CPA6: variants seen among roughly 807,000 people sequenced by gnomAD.
CPA6 encodes carboxypeptidase A6.
CPA6 carries 58 observed loss-of-function variants against 63.3 expected under a neutral mutation model. That is an observed-to-expected ratio of 0.92 (90% CI 0.74 to 1.14). The LOEUF is 1.14. Ranked by LOEUF, CPA6 falls within the 50% of genes most tolerant of loss-of-function variation. The pLI, the probability that CPA6 is intolerant of heterozygous loss-of-function variation, is 0.00. For missense variants in CPA6, 565 were observed against 526.6 expected (o/e 1.07, Z -0.71); for synonymous variants, 185 against 179.0 (o/e 1.03, Z -0.27).
intron 8 of CPA6, among the ~76,000 whole-genome samples, chr8:67,455,513 T>C (rs1174960301): frequency 6.6e-6 from 1 of 151,802 alleles, no homozygotes; most frequent in Non-Finnish European, 1.5e-5. Context: ...GTGCTTGGAA[T>C]TGACCACAGG....
At chr8:67,471,356 A>G (rs1198085948) in intron 8 of CPA6, among the ~76,000 whole-genome samples, 1 of 152,194 alleles carries the variant, frequency 6.6e-6, no homozygotes, top group East Asian at 1.9e-4. Context: ...TGTTTTCCCC[A>G]ATAATCAGCT....
Position 67,632,283 on chromosome 8 carries a change from A to T in CPA6, c.117-8032T>A, listed in dbSNP as rs1216628058. Among the ~76,000 whole-genome samples, 3 of 151,572 alleles carry T rather than the reference A, an allele frequency of 2.0e-5. 1 individual carries two copies. The highest frequency in any genetic ancestry group is 2.9e-5 in the Non-Finnish European group (2 of 67,894). ...ACTTGTGAGCTCAAGTGATCCTCCTACCTCAGCCTTCCAAGTAGCTGGGAC... is the reference window on the plus strand; with the variant it reads ...ACTTGTGAGCTCAAGTGATCCTCCTTCCTCAGCCTTCCAAGTAGCTGGGAC... On this transcript the variant is annotated intron_variant, in intron 1 of 10. Transcript: ENST00000297770.
intron 1 of CPA6, among the ~76,000 whole-genome samples, chr8:67,709,256 T>C (rs1817203134): frequency 6.6e-6 from 1 of 152,192 alleles, no homozygotes; most frequent in Non-Finnish European, 1.5e-5. Context: ...ACACAGATCC[T>C]GGAATCATGT....
chr8:67,693,602 A>T (rs1206766766), intron 1 of CPA6, among the ~76,000 whole-genome samples: 1 of 152,196 alleles, frequency 6.6e-6, no homozygotes, highest in Non-Finnish European at 1.5e-5. Flanking sequence ...CACGAATGGG[A>T]TTAGTGCCCT....
In CPA6 at chr8:67,630,411, C is replaced by T. The variant is rs965900598; in HGVS notation, c.117-6160G>A. The stretch of plus-strand genomic sequence containing the variant: ...CAGACATGGGGAGAACATGCCAACT[C>T]CTCACAGACAGTGGCCCTGGTGGGA... On this transcript the variant is annotated intron_variant, in intron 1 of 10. Transcript: ENST00000297770. 3.9e-5 allele frequency among the ~76,000 whole-genome samples: 6 copies of T among 152,194 alleles called. No individual in the cohort carries two copies. The South Asian group carries it at 1.0e-3, about 26-fold the overall frequency.
chr8:67,501,029 A>AATAGTTTTAGCTCTCCT (rs1443814595), intron 6 of CPA6, among the ~76,000 whole-genome samples: 1 of 152,072 alleles, frequency 6.6e-6, no homozygotes, highest in Non-Finnish European at 1.5e-5. Flanking sequence ...TCTTTTTCAA[A>AATAGTTTTAGCTCTCCT]ATAGTTTTAG....
At chr8:67,479,890 C>T (rs1250346177) in intron 8 of CPA6, among the ~76,000 whole-genome samples, 2 of 151,990 alleles carry the variant, frequency 1.3e-5, no homozygotes, top group African/African-American at 4.8e-5. Context: ...TGGCTGAAAA[C>T]CCCCAATTTG....
chr8:67,587,390 G>C (rs1007766882), intron 2 of CPA6, among the ~76,000 whole-genome samples: 12 of 152,218 alleles, frequency 7.9e-5, no homozygotes, highest in Admixed American at 7.2e-4. Flanking sequence ...TCTGGAGTTG[G>C]GGCTAGACTG....
At position 67,486,419 on chromosome 8, in the gene CPA6, A is replaced by G. The variant is rs551955283; in HGVS notation, c.637-1630T>C. Among the ~76,000 whole-genome samples the G allele has an allele frequency of 5.3e-5, 8 of 152,368 alleles. 1 individual carries two copies. In the South Asian group the frequency reaches 1.2e-3, roughly 24 times the overall value. On this transcript the variant is annotated intron_variant, in intron 6 of 10. Transcript: ENST00000297770. Reference sequence around the variant, plus strand: ...ATTCAGCAGTGATGCTGGGGCATTTAGTTTTCCACATGAAAAAATATACAT... The same window carrying G: ...ATTCAGCAGTGATGCTGGGGCATTTGGTTTTCCACATGAAAAAATATACAT...
At chr8:67,600,765 C>T (rs972402946) in intron 2 of CPA6, among the ~76,000 whole-genome samples, 6 of 152,126 alleles carry the variant, frequency 3.9e-5, no homozygotes, top group African/African-American at 7.2e-5. Context: ...AATTTAGATA[C>T]GTTTTTAATA....
At chr8:67,477,311 G>GAAAAAAAAAAAAAAAAAAAAA in intron 8 of CPA6, among the ~76,000 whole-genome samples, 1 of 121,602 alleles carries the variant, frequency 8.2e-6, no homozygotes, top group Non-Finnish European at 1.8e-5. Flanking sequence ...AAAAAAAAAG[G>GAAAAAAAAAAAAAAAAAAAAA]AAAAAAAAAA....
At chr8:67,662,562 A>G (rs1463446710) in intron 1 of CPA6, among the ~76,000 whole-genome samples, 1 of 139,918 alleles carries the variant, frequency 7.1e-6, no homozygotes, top group Non-Finnish European at 1.5e-5. Flanking sequence ...GTATATGTAT[A>G]TATAGAATAC....
At chr8:67,439,047 C>T (rs1030857012) in intron 8 of CPA6, among the ~76,000 whole-genome samples, 1 of 152,122 alleles carries the variant, frequency 6.6e-6, no homozygotes, top group African/African-American at 2.4e-5. Context: ...ATAATCCCAG[C>T]ACTTTGGGAG....
chr8:67,520,794 G>A (rs115952493), intron 2 of CPA6, among the ~76,000 whole-genome samples: 383 of 152,324 alleles, frequency 2.5e-3, no homozygotes, highest in African/African-American at 8.7e-3. Context: ...AGCAGTGTCC[G>A]TAATTTACTG....
chr8:67,646,990 A>G (rs1437102348), intron 1 of CPA6, among the ~76,000 whole-genome samples: 1 of 152,222 alleles, frequency 6.6e-6, no homozygotes, highest in Non-Finnish European at 1.5e-5. Context: ...TATAGTTTTA[A>G]GCTCACTCTG....
At chr8:67,703,549 T>C (rs920043928) in intron 1 of CPA6, among the ~76,000 whole-genome samples, 1 of 152,264 alleles carries the variant, frequency 6.6e-6, no homozygotes, top group African/African-American at 2.4e-5. Flanking sequence ...AGTCTGCTTC[T>C]TCTTTGCTTT....
At chr8:67,738,318 G>A (rs1471943948) in intron 1 of CPA6, among the ~76,000 whole-genome samples, 3 of 152,174 alleles carry the variant, frequency 2.0e-5, no homozygotes, top group African/African-American at 7.2e-5. Context: ...ACAGGAGAGT[G>A]ACTTTTCTTT....
At chr8:67,741,258 T>C (rs1587743385) in intron 1 of CPA6, among the ~76,000 whole-genome samples, 4 of 152,276 alleles carry the variant, frequency 2.6e-5, no homozygotes, top group Admixed American at 2.6e-4. Flanking sequence ...TTGGTTCCAG[T>C]CCCAAGAAGC....
At chr8:67,710,099 C>G (rs970390994) in intron 1 of CPA6, among the ~76,000 whole-genome samples, 5 of 146,224 alleles carry the variant, frequency 3.4e-5, no homozygotes. Context: ...GGCAACAGAG[C>G]GAGACTTGGT....
Sources: gnomAD v4.1 joint callset for allele counts (sites outside exome capture counted in the v4.1 genomes callset) on GRCh38, gnomAD v4.1.1 for gene constraint, MANE v1.5 for transcripts, NCBI Gene and HGNC (gene_info 2026-07-23, HGNC 2026-07-21) for gene names.